KLHL28: variants seen among roughly 807,000 people sequenced by gnomAD.
The protein encoded by KLHL28 is kelch like family member 28, also known as kelch-like protein 28.
KLHL28 carries 22 observed loss-of-function variants against 48.3 expected under a neutral mutation model. The ratio of observed to expected loss-of-function variants is 0.46; its 90% confidence interval spans 0.33 to 0.65. The LOEUF (loss-of-function observed/expected upper bound fraction) is 0.65. Ranked by LOEUF, KLHL28 falls within the 30% of genes least tolerant of loss-of-function variation. KLHL28 has a pLI of 0.03. For missense variants in KLHL28, 527 were observed against 704.3 expected (o/e 0.75, Z 2.85); for synonymous variants, 243 against 242.4 (o/e 1.00, Z -0.02).
Position 44,945,357 on chromosome 14 carries a change from T to C in KLHL28, c.572A>G (p.Asn191Ser). The C allele has an allele frequency of 1.2e-6, 2 of 1,614,170 alleles. No individual in the cohort carries two copies. The highest frequency in any genetic ancestry group is 1.7e-6 in the Non-Finnish European group (2 of 1,180,014). ...AAAAACAGTCTCTTCGGTAGCTACATTCAAACAGTCATTGGAAACAATTTC... is the reference window on the plus strand; with the variant it reads ...AAAAACAGTCTCTTCGGTAGCTACACTCAAACAGTCATTGGAAACAATTTC... ...LDEIVSNDCLNVATEETVFYA... is the reference protein window; with the variant it reads ...LDEIVSNDCLSVATEETVFYA... The change falls in exon 2 of 5, where the codon AAT becomes AGT. Residue 191 changes from asparagine (N) to serine (S), a missense_variant. Transcript: ENST00000396128.
At chr14:44,938,837 C>T (rs1464985942) in intron 2 of KLHL28, among the ~76,000 whole-genome samples, 6 of 152,158 alleles carry the variant, frequency 3.9e-5, no homozygotes, top group African/African-American at 1.4e-4. Flanking sequence ...CTTGTGCCTA[C>T]AGTTCTGACA....
rs906256010 is a variant in KLHL28, at chr14:44,931,276, C to T, written c.1552+57G>A. The T allele has an allele frequency of 2.9e-5, 31 of 1,078,440 alleles. No individual in the cohort carries two copies. The African/African-American group carries it at 4.4e-4, about 15-fold the overall frequency. 66.8% of individuals were successfully genotyped at this position (1,078,440 alleles called of 1,614,324 possible). A position where few individuals can be genotyped will look rare whatever the true frequency, so the allele number is the denominator to read the frequency against. The stretch of plus-strand genomic sequence containing the variant: ...TATTCCAAGGAACTATTATTGCAAG[C>T]ACATCATTATAGAAAACATTGCCTT... On this transcript the variant is annotated intron_variant, in intron 4 of 4. Transcript: ENST00000396128.
chr14:44,931,469 A>G lies in KLHL28; in HGVS notation c.1416T>C (p.Phe472=). The change falls in exon 4 of 5, where the codon TTT becomes TTC. Residue 472 remains phenylalanine (F), a synonymous_variant. Transcript: ENST00000396128. ...VASMADKRIH[F]GVGVMLGFIF... is the part of the protein sequence containing the mutation. ...TAAAGCCTAGCATGACACCCACGCC[A>G]AAGTGAATCCTTTTATCTGCCATGG... 1.2e-6 allele frequency: 2 copies of G among 1,614,080 alleles called. No individual in the cohort carries two copies. The highest frequency in any genetic ancestry group is 1.7e-6 in the Non-Finnish European group (2 of 1,179,966).
chr14:44,961,398 A>G (rs1015828762), intron 1 of KLHL28, among the ~76,000 whole-genome samples: 44 of 152,024 alleles, frequency 2.9e-4, no homozygotes, highest in Admixed American at 1.9e-3. Flanking sequence ...CTACAGGGGG[A>G]AAAAAACAGA....
chr14:44,934,642 G>C (rs909577869), intron 2 of KLHL28, 84 bp from the exon 3 acceptor site: 7 of 1,035,210 alleles, frequency 6.8e-6, no homozygotes, highest in Non-Finnish European at 9.5e-6. Context: ...TTAGTAATCA[G>C]GGACACAAAA....
chr14:44,956,754 C>T (rs772657967), intron 1 of KLHL28, among the ~76,000 whole-genome samples: 2 of 152,202 alleles, frequency 1.3e-5, no homozygotes, highest in Non-Finnish European at 2.9e-5. Context: ...AATTTACACA[C>T]TGACTGGATT....
Position 44,945,575 on chromosome 14 carries a change from T to A in KLHL28, c.354A>T (p.Lys118Asn). 1 of 1,614,076 alleles carries A rather than the reference T, an allele frequency of 6.2e-7. No individual in the cohort carries two copies. Among genetic ancestry groups the A allele is most frequent in the Non-Finnish European group, 8.5e-7 (1 of 1,180,000 alleles). The change falls in exon 2 of 5, where the codon AAA becomes AAT. Residue 118 changes from lysine to asparagine, a missense_variant. By Grantham distance (94) the Lys-to-Asn change is moderately conservative (BLOSUM62 0). Coordinates refer to ENST00000396128, the MANE Select transcript of KLHL28 (RefSeq NM_017658.5). ...LLPAANLLQIKLVLKECCAFL... is the reference protein window; with the variant it reads ...LLPAANLLQINLVLKECCAFL... ...ATGCACAACATTCTTTCAGGACAAGTTTTATCTGGAGTAGGTTTGCTGCTG... is the reference window on the plus strand; with the variant it reads ...ATGCACAACATTCTTTCAGGACAAGATTTATCTGGAGTAGGTTTGCTGCTG...
chr14:44,960,999 C>CAA (rs529613436), intron 1 of KLHL28: 106 of 662,906 alleles, frequency 1.6e-4, no homozygotes, highest in South Asian at 3.0e-4. Flanking sequence ...ATTATTCCTT[C>CAA]AAAAAAAAAA....
chr14:44,958,081 T>C (rs1884868505), intron 1 of KLHL28, among the ~76,000 whole-genome samples: 1 of 151,334 alleles, frequency 6.6e-6, no homozygotes, highest in South Asian at 2.1e-4. Context: ...TGTTCTTTTT[T>C]TTTTTTTTTA....
At chr14:44,949,551 G>T (rs1445679427) in intron 1 of KLHL28, among the ~76,000 whole-genome samples, 1 of 152,056 alleles carries the variant, frequency 6.6e-6, no homozygotes, top group Non-Finnish European at 1.5e-5. Flanking sequence ...GAGGCCTAGA[G>T]GGATGCTTCT....
chr14:44,944,848 A>G (rs1884254448), intron 2 of KLHL28, among the ~76,000 whole-genome samples, 182 bp downstream of exon 2: 1 of 152,218 alleles, frequency 6.6e-6, no homozygotes, highest in Non-Finnish European at 1.5e-5. Flanking sequence ...AGTATTGTAA[A>G]GAATGAATGA....
At chr14:44,956,960 G>A (rs1566579816) in intron 1 of KLHL28, among the ~76,000 whole-genome samples, 2 of 152,162 alleles carry the variant, frequency 1.3e-5, no homozygotes, top group Admixed American at 6.5e-5. Context: ...TAGAACTACA[G>A]GCGCATGCTA....
chr14:44,941,098 G>A (rs1007137096), intron 2 of KLHL28, among the ~76,000 whole-genome samples: 2 of 151,410 alleles, frequency 1.3e-5, no homozygotes, highest in African/African-American at 2.4e-5. Flanking sequence ...AGACACCTGG[G>A]CGACAGAGCG....
At position 44,927,001 on chromosome 14, in the gene KLHL28, G is replaced by A. The variant is rs1883396220; in HGVS notation, c.*2027C>T. The A allele has an allele frequency of 6.6e-6, 1 of 152,512 alleles. No individual in the cohort carries two copies. The highest frequency in any genetic ancestry group is 2.4e-5 in the African/African-American group (1 of 41,402). The allele number at this position is 152,512 out of a possible 1,614,324, so 9.4% of individuals were successfully genotyped here. ...AATAAAGTCTGGGCCAACTACAATA[G>A]TGCACCTATTTCTATGCAATAGATT... On this transcript the variant is annotated 3_prime_UTR_variant, in exon 5 of 5. Transcript: ENST00000396128.
chr14:44,935,159 T>C (rs1175400749), intron 2 of KLHL28, among the ~76,000 whole-genome samples: 2 of 152,204 alleles, frequency 1.3e-5, no homozygotes. Flanking sequence ...GAACAAACTA[T>C]AGCTACATGT....
At chr14:44,956,289 TAATA>T (rs1884791412) in intron 1 of KLHL28, among the ~76,000 whole-genome samples, 1 of 152,126 alleles carries the variant, frequency 6.6e-6, no homozygotes, top group South Asian at 2.1e-4. Context: ...GTATCCCTGT[TAATA>T]AATAAAGAAG....
intron 2 of KLHL28, among the ~76,000 whole-genome samples, chr14:44,938,170 A>C: frequency 6.6e-6 from 1 of 152,186 alleles, no homozygotes; most frequent in Non-Finnish European, 1.5e-5. Context: ...TAAATCATAT[A>C]TAAGCGAGAG....
chr14:44,928,980 A>T lies in KLHL28; in HGVS notation c.*48T>A, dbSNP rs776624344. 1 of 1,575,276 alleles carries T rather than the reference A, an allele frequency of 6.3e-7. No homozygotes were observed. Among genetic ancestry groups the T allele is most frequent in the Non-Finnish European group, 8.7e-7 (1 of 1,148,940 alleles). On this transcript the variant is annotated 3_prime_UTR_variant, in exon 5 of 5. Coordinates refer to ENST00000396128, the MANE Select transcript of KLHL28 (RefSeq NM_017658.5). The stretch of plus-strand genomic sequence containing the variant: ...AGAAAACTGGGCCATCCGGATGTTC[A>T]TGCAGTACAAGTTTCACCACCATAC...
At chr14:44,947,657 G>A (rs987405470) in intron 1 of KLHL28, among the ~76,000 whole-genome samples, 6 of 152,136 alleles carry the variant, frequency 3.9e-5, no homozygotes, top group South Asian at 2.1e-4. Flanking sequence ...GAACACTATT[G>A]AGAGAGTATA....
Sources: allele counts gnomAD v4.1 joint callset (sites outside exome capture counted in the v4.1 genomes callset), GRCh38; gene constraint gnomAD v4.1.1; transcripts MANE v1.5; gene names NCBI Gene and HGNC (gene_info 2026-07-23, HGNC 2026-07-21).